Variants in MYO3A observed in about 807,000 individuals in gnomAD.
MYO3A encodes the protein myosin IIIA.
A neutral mutation model predicts 192.7 loss-of-function variants in MYO3A; 180 were observed. The ratio of observed to expected loss-of-function variants is 0.93; its 90% CI spans 0.83 to 1.06. The LOEUF is 1.06. Ranked by LOEUF, MYO3A falls within the 50% of genes least tolerant of loss-of-function variation. The pLI is 0.00. For missense variants in MYO3A, 1,896 were observed against 1,905.0 expected (o/e 1.00, Z 0.09); for synonymous variants, 628 against 645.3 (o/e 0.97, Z 0.41).
At chr10:26,129,065 T>C (rs947053144) in intron 20 of MYO3A, among the ~76,000 whole-genome samples, 1 of 152,204 alleles carries the variant, frequency 6.6e-6, no homozygotes, top group South Asian at 2.1e-4. Flanking sequence ...AAAATCAGAC[T>C]TAAATCACAT....
chr10:26,210,342 C>A (rs969833361), intron 34 of MYO3A, among the ~76,000 whole-genome samples: 8 of 152,174 alleles, frequency 5.3e-5, no homozygotes, highest in Non-Finnish European at 1.0e-4. Flanking sequence ...GCAGCCTTCC[C>A]CATCTCATTA....
intron 6 of MYO3A, among the ~76,000 whole-genome samples, chr10:26,010,361 G>A (rs1841549432): frequency 6.6e-6 from 1 of 150,472 alleles, no homozygotes; most frequent in Admixed American, 6.6e-5. Context: ...AACCTCAAAA[G>A]ATTTTTTAAC....
intron 32 of MYO3A, among the ~76,000 whole-genome samples, chr10:26,200,088 G>A (rs183035195): frequency 6.0e-4 from 91 of 152,270 alleles, no homozygotes; most frequent in African/African-American, 2.2e-3. Flanking sequence ...GGGAGAACAG[G>A]AATGTAATTG....
chr10:26,030,579 C>G (rs1842760460), intron 10 of MYO3A, among the ~76,000 whole-genome samples: 1 of 152,134 alleles, frequency 6.6e-6, no homozygotes, highest in African/African-American at 2.4e-5. Flanking sequence ...TCTTGAAGAT[C>G]ACGAAAAATA....
intron 10 of MYO3A, among the ~76,000 whole-genome samples, chr10:26,029,080 A>G: frequency 6.6e-6 from 1 of 152,222 alleles, no homozygotes; most frequent in South Asian, 2.1e-4. Context: ...TAAGACATGC[A>G]GAAATTTGAG....
chr10:25,972,507 TTTG>T (rs1838717621), intron 4 of MYO3A, among the ~76,000 whole-genome samples: 1 of 152,224 alleles, frequency 6.6e-6, no homozygotes, highest in African/African-American at 2.4e-5. Context: ...GTCTTATTTT[TTTG>T]TTGTTGTTGA....
chr10:26,157,267 T>C lies in MYO3A; in HGVS notation c.2794-43T>C, dbSNP rs1307597972. 1.9e-6 allele frequency: 3 copies of C among 1,577,644 alleles called. No homozygotes were observed. In the African/African-American group the frequency reaches 4.0e-5, roughly 21 times the overall value. ...GAAAGGCCTACAAGCTCATACGTTT[T>C]TGTATGCTACATTGGGAAATTTATT... is the stretch of plus-strand genomic sequence containing the variant. On this transcript the variant is annotated intron_variant, in intron 25 of 34. Transcript: ENST00000642920.
chr10:26,203,720 T>A (rs181140425), intron 34 of MYO3A, among the ~76,000 whole-genome samples: 1 of 152,164 alleles, frequency 6.6e-6, no homozygotes, highest in Non-Finnish European at 1.5e-5. Context: ...ACATGACATA[T>A]GAAAAATGGG....
chr10:25,938,598 C>T (rs1836271020), intron 2 of MYO3A, among the ~76,000 whole-genome samples: 1 of 152,230 alleles, frequency 6.6e-6, no homozygotes, highest in Non-Finnish European at 1.5e-5. Context: ...TTATGTGATG[C>T]AGTGTAAGCA....
chr10:25,946,276 G>A (rs190340542), intron 2 of MYO3A, among the ~76,000 whole-genome samples: 37 of 152,256 alleles, frequency 2.4e-4, no homozygotes, highest in Middle Eastern at 3.4e-3. Context: ...AGGGCAGATG[G>A]AGTGGTAATG....
intron 10 of MYO3A, among the ~76,000 whole-genome samples, chr10:26,037,758 C>T (rs1307104551): frequency 6.6e-6 from 1 of 152,118 alleles, no homozygotes; most frequent in East Asian, 1.9e-4. Flanking sequence ...GGAGACTTAC[C>T]ATCATGGTGG....
intron 6 of MYO3A, among the ~76,000 whole-genome samples, chr10:26,010,450 G>GTTTTTTTTTTT (rs778349166): frequency 2.0e-4 from 22 of 111,106 alleles, no homozygotes; most frequent in East Asian, 2.8e-4. Context: ...CTAAGTAGTT[G>GTTTTTTTTTTT]TTTTTTTTTT....
chr10:26,153,984 G>GGCA, intron 24 of MYO3A, 55 bp downstream of exon 24: 1 of 1,242,128 alleles, frequency 8.1e-7, no homozygotes, highest in Non-Finnish European at 1.2e-6. Flanking sequence ...CCGGTATGAT[G>GGCA]GCAATATTTG....
At chr10:26,076,177 G>T (rs1835563644) in intron 14 of MYO3A, among the ~76,000 whole-genome samples, 1 of 151,738 alleles carries the variant, frequency 6.6e-6, no homozygotes, top group Non-Finnish European at 1.5e-5. Flanking sequence ...TTGATTTTTT[G>T]GTTATGGTCA....
At chr10:26,081,490 C>T (rs1026244711) in intron 14 of MYO3A, among the ~76,000 whole-genome samples, 2 of 152,168 alleles carry the variant, frequency 1.3e-5, no homozygotes, top group African/African-American at 4.8e-5. Flanking sequence ...GGCTATCCTC[C>T]TCCCAGCTGC....
chr10:26,033,774 A>G (rs1842908225), intron 10 of MYO3A, among the ~76,000 whole-genome samples: 1 of 152,318 alleles, frequency 6.6e-6, no homozygotes, highest in South Asian at 2.1e-4. Context: ...CTTATCCAGG[A>G]GGTCGCCTTT....
chr10:26,042,159 A>T (rs942116509), intron 10 of MYO3A, among the ~76,000 whole-genome samples: 5 of 152,090 alleles, frequency 3.3e-5, no homozygotes, highest in African/African-American at 1.2e-4. Flanking sequence ...ACTGGCCTGT[A>T]AGGTTTCCAC....
chr10:26,071,527 T>C (rs1416325936), intron 14 of MYO3A, among the ~76,000 whole-genome samples: 2 of 152,084 alleles, frequency 1.3e-5, no homozygotes, highest in Admixed American at 1.3e-4. Flanking sequence ...CATGGAAAAA[T>C]TTGATTTTGT....
chr10:26,070,482 C>G, intron 14 of MYO3A, 81 bp downstream of exon 14: 1 of 1,158,794 alleles, frequency 8.6e-7, no homozygotes, highest in South Asian at 1.3e-5. Context: ...GATTAATATT[C>G]TCTAGTATCT....
Sources: gnomAD v4.1 joint callset for allele counts (sites outside exome capture counted in the v4.1 genomes callset) on GRCh38, gnomAD v4.1.1 for gene constraint, MANE v1.5 for transcripts, NCBI Gene and HGNC (gene_info 2026-07-23, HGNC 2026-07-21) for gene names.